B3GALT1: variants seen among roughly 807,000 people sequenced by gnomAD.
B3GALT1 encodes the protein beta-1,3-galactosyltransferase 1, also known as UDP-Gal:betaGlcNAc beta 1,3-galactosyltransferase, polypeptide 1.
In B3GALT1, 10 loss-of-function variants were observed where a neutral mutation model predicts 23.2. That is an observed-to-expected ratio of 0.43 (90% CI 0.27 to 0.73). B3GALT1 has a LOEUF of 0.73. B3GALT1 is among the 30% of genes least tolerant of loss of function. The pLI is 0.21. For synonymous variants in B3GALT1, 156 were observed against 141.5 expected, an observed-to-expected ratio of 1.10 and a Z score of -0.73; for missense variants, 299 against 405.4, an observed-to-expected ratio of 0.74 and a Z score of 2.25.
At chr2:167,298,982 A>AAAAC (rs904305120) in intron 1 of B3GALT1, among the ~76,000 whole-genome samples, 1 of 152,186 alleles carries the variant, frequency 6.6e-6, no homozygotes, top group East Asian at 1.9e-4. Context: ...AGAAAAGAAA[A>AAAAC]AAACAAACCT....
chr2:167,865,972 C>A (rs1046170392), intron 4 of B3GALT1, among the ~76,000 whole-genome samples: 1 of 152,062 alleles, frequency 6.6e-6, no homozygotes, highest in East Asian at 1.9e-4. Flanking sequence ...AACCCACCCT[C>A]CCCCATCCTC....
intron 1 of B3GALT1, among the ~76,000 whole-genome samples, chr2:167,434,427 C>A (rs1431308525): frequency 2.0e-5 from 3 of 151,680 alleles, no homozygotes; most frequent in African/African-American, 7.3e-5. Context: ...TATCTCTGCC[C>A]ACTCTCCCAC....
intron 1 of B3GALT1, among the ~76,000 whole-genome samples, chr2:167,316,312 G>C (rs1696717099): frequency 6.6e-6 from 1 of 152,024 alleles, no homozygotes; most frequent in Admixed American, 6.5e-5. Flanking sequence ...CTTTACTATA[G>C]GATTTTTGCA....
chr2:167,521,980 G>GTATATA (rs1211999226), intron 2 of B3GALT1, among the ~76,000 whole-genome samples: 2,963 of 127,818 alleles, frequency 0.023, 59 homozygotes, highest in African/African-American at 0.045. Context: ...GTGTGTGTGT[G>GTATATA]TGTGTATATA....
At chr2:167,606,161 G>T (rs1684958446) in intron 2 of B3GALT1, among the ~76,000 whole-genome samples, 1 of 152,132 alleles carries the variant, frequency 6.6e-6, no homozygotes, top group African/African-American at 2.4e-5. Context: ...CCAAAGAAAT[G>T]GGTGTGTTGA....
intron 3 of B3GALT1, among the ~76,000 whole-genome samples, chr2:167,690,836 T>A (rs2105501077): frequency 6.6e-6 from 1 of 152,260 alleles, no homozygotes; most frequent in Non-Finnish European, 1.5e-5. Flanking sequence ...TTTGCCAATT[T>A]TCATTGTTCT....
At chr2:167,562,302 T>C (rs1247693378) in intron 2 of B3GALT1, among the ~76,000 whole-genome samples, 1 of 152,218 alleles carries the variant, frequency 6.6e-6, no homozygotes, top group East Asian at 1.9e-4. Flanking sequence ...TGATGGGACA[T>C]ATCTCAAAAT....
chr2:167,355,857 A>T lies in B3GALT1; in HGVS notation c.-511+62523A>T, dbSNP rs1261983026. Among the ~76,000 whole-genome samples, 5 of 152,196 alleles carry T rather than the reference A, an allele frequency of 3.3e-5. No individual in the cohort carries two copies. In the East Asian group the frequency reaches 9.6e-4, roughly 29 times the overall value. On this transcript the variant is annotated intron_variant, in intron 1 of 4. Transcript: ENST00000392690. ...ATAAAGTGTAGAAAAATTAACATCT[A>T]CAGCTTTTCTTTCTTCAAAAAGGAT...
At chr2:167,793,649 CA>C (rs1296452120) in intron 3 of B3GALT1, among the ~76,000 whole-genome samples, 1 of 152,060 alleles carries the variant, frequency 6.6e-6, no homozygotes, top group East Asian at 1.9e-4. Context: ...ATAAATAACC[CA>C]CATGATCAAT....
intron 2 of B3GALT1, among the ~76,000 whole-genome samples, chr2:167,548,712 G>GTGTGTGTGTGTGTC (rs1289253056): frequency 2.0e-5 from 3 of 148,298 alleles, no homozygotes; most frequent in Admixed American, 6.6e-5. Context: ...GTGTGTGTGT[G>GTGTGTGTGTGTGTC]TGTGTATGTG....
intron 2 of B3GALT1, among the ~76,000 whole-genome samples, chr2:167,518,701 C>T (rs745882124): frequency 6.6e-6 from 1 of 152,178 alleles, no homozygotes; most frequent in Non-Finnish European, 1.5e-5. Flanking sequence ...ATCAAGTTCT[C>T]ATCCTCTATT....
chr2:167,408,313 C>T (rs185219356), intron 1 of B3GALT1, among the ~76,000 whole-genome samples: 1 of 152,214 alleles, frequency 6.6e-6, no homozygotes, highest in Admixed American at 6.5e-5. Flanking sequence ...TGATAAAATT[C>T]AGCATCCCTT....
chr2:167,321,910 T>C (rs1283345915), intron 1 of B3GALT1, among the ~76,000 whole-genome samples: 2 of 152,020 alleles, frequency 1.3e-5, no homozygotes, highest in African/African-American at 4.8e-5. Flanking sequence ...ATACCAATAT[T>C]GAGCAAGTAA....
chr2:167,483,031 C>T (rs1263399547), intron 1 of B3GALT1, among the ~76,000 whole-genome samples: 1 of 152,082 alleles, frequency 6.6e-6, no homozygotes, highest in South Asian at 2.1e-4. Flanking sequence ...GGGTGGCTCA[C>T]TCCTGTAATC....
chr2:167,783,622 G>A (rs545321878), intron 3 of B3GALT1, among the ~76,000 whole-genome samples: 15 of 152,316 alleles, frequency 9.8e-5, no homozygotes, highest in African/African-American at 2.4e-4. Flanking sequence ...AGGAAAGAAG[G>A]GTGAGATGAC....
chr2:167,648,536 C>T (rs1235334030), intron 3 of B3GALT1, among the ~76,000 whole-genome samples: 1 of 152,044 alleles, frequency 6.6e-6, no homozygotes, highest in Non-Finnish European at 1.5e-5. Flanking sequence ...TATTCTTACC[C>T]ATCTTTGCCC....
intron 1 of B3GALT1, among the ~76,000 whole-genome samples, chr2:167,383,966 G>A (rs1383043658): frequency 6.6e-6 from 1 of 152,140 alleles, no homozygotes. Flanking sequence ...ACTTTCTAAA[G>A]TTGATGTCAT....
intron 1 of B3GALT1, among the ~76,000 whole-genome samples, chr2:167,348,880 C>G (rs1224542342): frequency 1.3e-5 from 2 of 152,128 alleles, no homozygotes; most frequent in East Asian, 1.9e-4. Flanking sequence ...CATGTCTTAT[C>G]TTTTCTATTA....
At chr2:167,445,466 G>A (rs1017617590) in intron 1 of B3GALT1, among the ~76,000 whole-genome samples, 4 of 152,142 alleles carry the variant, frequency 2.6e-5, no homozygotes, top group Non-Finnish European at 5.9e-5. Context: ...ACAGTGGGGT[G>A]TTAAAGTCTT....
Sources: allele counts gnomAD v4.1 joint callset (sites outside exome capture counted in the v4.1 genomes callset), GRCh38; gene constraint gnomAD v4.1.1; transcripts MANE v1.5; gene names NCBI Gene and HGNC (gene_info 2026-07-23, HGNC 2026-07-21).